The following ZPLD1 variants were observed in gnomAD, a reference collection of about 807,000 sequenced individuals.
The protein encoded by ZPLD1 is zona pellucida-like domain-containing protein 1.
A neutral mutation model predicts 47.2 loss-of-function variants in ZPLD1; 34 were observed. That is an observed-to-expected ratio of 0.72 (90% CI 0.55 to 0.96). The LOEUF (loss-of-function observed/expected upper bound fraction) is 0.96. Ranked by LOEUF, ZPLD1 falls within the 40% of genes least tolerant of loss-of-function variation. The pLI, the probability that ZPLD1 is intolerant of heterozygous loss-of-function variation, is 0.00. For synonymous variants in ZPLD1, 176 were observed against 186.2 expected (o/e 0.95, Z 0.45); for missense variants, 512 against 505.8 (o/e 1.01, Z -0.12).
intron 3 of ZPLD1, among the ~76,000 whole-genome samples, chr3:102,449,726 T>C (rs1211631142): frequency 6.6e-6 from 1 of 152,210 alleles, no homozygotes; most frequent in East Asian, 1.9e-4. Context: ...TTTCTTACTG[T>C]GCCTAATTTA....
At chr3:102,394,617 G>T (rs1706536560) in intron 7 of ZPLD1, among the ~76,000 whole-genome samples, 1 of 152,124 alleles carries the variant, frequency 6.6e-6, no homozygotes, top group Non-Finnish European at 1.5e-5. Flanking sequence ...GCTTTCCAAA[G>T]AAGTTATTTT....
chr3:102,423,993 T>A (rs556576789), intron 8 of ZPLD1, among the ~76,000 whole-genome samples: 1 of 152,284 alleles, frequency 6.6e-6, no homozygotes. Flanking sequence ...CAGGAGAAAC[T>A]GTGTACCAAT....
At chr3:102,463,975 A>G (rs1224371287) in intron 7 of ZPLD1, among the ~76,000 whole-genome samples, 196 bp from the exon 8 acceptor site, 9 of 151,856 alleles carry the variant, frequency 5.9e-5, no homozygotes, top group South Asian at 4.2e-4. Context: ...TCGTGAACCC[A>G]GGAGGCGGAG....
chr3:102,390,607 A>G (rs1280053198), intron 6 of ZPLD1, among the ~76,000 whole-genome samples: 1 of 151,144 alleles, frequency 6.6e-6, no homozygotes, highest in African/African-American at 2.5e-5. Context: ...GAACAGAGAA[A>G]ATCAAATCAA....
intron 3 of ZPLD1, among the ~76,000 whole-genome samples, chr3:102,451,738 C>T (rs768258256): frequency 2.0e-5 from 3 of 152,068 alleles, no homozygotes; most frequent in Non-Finnish European, 4.4e-5. Context: ...CTTGGGTGTG[C>T]CTGGGCTTGT....
chr3:102,436,733 T>A, intron 1 of ZPLD1, 127 bp from the exon 2 acceptor site: 2 of 260,446 alleles, frequency 7.7e-6, no homozygotes, highest in Non-Finnish European at 1.2e-5. Flanking sequence ...ACAAAGTGCC[T>A]TCTTTGTGCA....
upstream of ZPLD1, among the ~76,000 whole-genome samples, chr3:102,433,433 A>T (rs188779347): frequency 6.6e-6 from 1 of 152,354 alleles, no homozygotes; most frequent in East Asian, 1.9e-4. Context: ...CATAGTTAGA[A>T]AACACATATA....
At chr3:102,422,708 G>A (rs529076227) in intron 8 of ZPLD1, among the ~76,000 whole-genome samples, 16 of 152,146 alleles carry the variant, frequency 1.1e-4, no homozygotes, top group African/African-American at 3.9e-4. Flanking sequence ...AGTGAGAAAA[G>A]ATATGGATAT....
chr3:102,412,110 C>T (rs954252817), intron 7 of ZPLD1, among the ~76,000 whole-genome samples: 10 of 151,582 alleles, frequency 6.6e-5, no homozygotes, highest in Admixed American at 3.3e-4. Context: ...ATTCTTAAGG[C>T]GTTCACATTG....
chr3:102,385,687 C>T (rs1201206764), intron 6 of ZPLD1, among the ~76,000 whole-genome samples: 5 of 152,182 alleles, frequency 3.3e-5, no homozygotes, highest in African/African-American at 1.2e-4. Context: ...AACAGCACTA[C>T]ACAGAATCAT....
chr3:102,402,612 A>C (rs1279677775), intron 7 of ZPLD1, among the ~76,000 whole-genome samples: 2 of 152,006 alleles, frequency 1.3e-5, no homozygotes, highest in African/African-American at 2.4e-5. Flanking sequence ...ACAACATTGC[A>C]GGCCTAAAAA....
intron 7 of ZPLD1, among the ~76,000 whole-genome samples, chr3:102,411,023 C>G (rs1028367665): frequency 2.6e-5 from 4 of 151,790 alleles, no homozygotes; most frequent in African/African-American, 7.2e-5. Context: ...TTAAAGGACA[C>G]CAGTTTCTAA....
intron 7 of ZPLD1, among the ~76,000 whole-genome samples, chr3:102,392,534 TCCTC>T (rs1339140941): frequency 4.1e-4 from 59 of 144,480 alleles, no homozygotes; most frequent in African/African-American, 1.0e-3. Flanking sequence ...CTTCCTTCCT[TCCTC>T]CCTCCCTCCC....
intron 7 of ZPLD1, among the ~76,000 whole-genome samples, chr3:102,395,421 A>T (rs1706545999): frequency 6.6e-6 from 1 of 152,120 alleles, no homozygotes; most frequent in Non-Finnish European, 1.5e-5. Flanking sequence ...ATACCTGATG[A>T]AAGACGAAGA....
At chr3:102,459,029 G>A (rs1388861227) in intron 6 of ZPLD1, among the ~76,000 whole-genome samples, 1 of 143,998 alleles carries the variant, frequency 6.9e-6, no homozygotes, top group Non-Finnish European at 1.5e-5. Flanking sequence ...GGCGGAGGTT[G>A]CAGGGAGCCG....
chr3:102,401,181 T>A (rs1002710956), intron 7 of ZPLD1, among the ~76,000 whole-genome samples: 5 of 152,068 alleles, frequency 3.3e-5, no homozygotes. Flanking sequence ...ACATGTCAGC[T>A]ACAATATTCC....
upstream of ZPLD1, among the ~76,000 whole-genome samples, chr3:102,434,110 A>G (rs1707052091): frequency 6.6e-6 from 1 of 152,224 alleles, no homozygotes; most frequent in Non-Finnish European, 1.5e-5. Context: ...TGTGCGAGTC[A>G]ATTAAAATAT....
intron 7 of ZPLD1, among the ~76,000 whole-genome samples, chr3:102,412,788 G>C (rs1034374319): frequency 6.6e-6 from 1 of 151,506 alleles, no homozygotes; most frequent in Admixed American, 6.6e-5. Context: ...GGTTTCATTT[G>C]ACAGGGACAT....
chr3:102,406,053 G>C (rs1187925487), intron 7 of ZPLD1, among the ~76,000 whole-genome samples: 5 of 151,946 alleles, frequency 3.3e-5, no homozygotes, highest in Admixed American at 2.6e-4. Context: ...GATGGGATCT[G>C]ACAGAAACGC....
Sources: gnomAD v4.1 joint callset for allele counts (sites outside exome capture counted in the v4.1 genomes callset) on GRCh38, gnomAD v4.1.1 for gene constraint, MANE v1.5 for transcripts, NCBI Gene and HGNC (gene_info 2026-07-23, HGNC 2026-07-21) for gene names.